The following A1CF variants were observed in gnomAD, a reference collection of about 807,000 sequenced individuals.
The protein encoded by A1CF is APOBEC1 complementation factor, also known as APOBEC-1 stimulating protein.
Under a neutral mutation model 68.9 loss-of-function variants are expected in A1CF, and 48 were observed. The ratio of observed to expected loss-of-function variants is 0.70; its 90% CI spans 0.55 to 0.89. A1CF has a LOEUF of 0.89. A1CF is among the 40% of genes least tolerant of loss of function. A1CF has a pLI of 0.00. For synonymous variants in A1CF, 272 were observed against 260.4 expected, an observed-to-expected ratio of 1.04 and a Z score of -0.43; for missense variants, 653 against 718.9, an observed-to-expected ratio of 0.91 and a Z score of 1.05.
intron 7 of A1CF, among the ~76,000 whole-genome samples, chr10:50,826,445 C>T (rs549441181): frequency 9.0e-4 from 137 of 152,126 alleles, no homozygotes; most frequent in Non-Finnish European, 1.7e-3. Context: ...GGCAGAAACT[C>T]GACAAGCCAG....
At chr10:50,864,107 A>G (rs1457742323) in intron 1 of A1CF, 27 bp from the exon 2 acceptor site, 1 of 152,212 alleles carries the variant, frequency 6.6e-6, no homozygotes, top group African/African-American at 2.4e-5. Context: ...GAGAGCAGAA[A>G]GGGTCAAAAA....
chr10:50,867,625 C>T (rs1159314212), intron 1 of A1CF, among the ~76,000 whole-genome samples: 1 of 152,144 alleles, frequency 6.6e-6, no homozygotes, highest in East Asian at 1.9e-4. Flanking sequence ...AAAGTCTTGA[C>T]CACTCTGCAA....
intron 5 of A1CF, among the ~76,000 whole-genome samples, chr10:50,838,193 G>C (rs1327119053): frequency 6.6e-6 from 1 of 152,270 alleles, no homozygotes; most frequent in Non-Finnish European, 1.5e-5. Flanking sequence ...AATGGCTCTT[G>C]GTTGTGTGGC....
At chr10:50,857,357 T>G (rs1330363287) in intron 3 of A1CF, among the ~76,000 whole-genome samples, 1 of 152,132 alleles carries the variant, frequency 6.6e-6, no homozygotes, top group Non-Finnish European at 1.5e-5. Flanking sequence ...TAATAAATTA[T>G]CATTAACTCT....
intron 12 of A1CF, among the ~76,000 whole-genome samples, chr10:50,808,749 C>A (rs1837951256): frequency 6.6e-6 from 1 of 152,038 alleles, no homozygotes; most frequent in Non-Finnish European, 1.5e-5. Flanking sequence ...GCCCCACTGG[C>A]CAGAATGGAG....
intron 12 of A1CF, among the ~76,000 whole-genome samples, chr10:50,808,606 AC>A (rs1402371774): frequency 6.6e-6 from 1 of 152,152 alleles, no homozygotes; most frequent in Non-Finnish European, 1.5e-5. Flanking sequence ...CCCAGGAAGG[AC>A]CTTGCCCTCT....
chr10:50,883,334 C>T (rs1392658298), intron 1 of A1CF, among the ~76,000 whole-genome samples: 2 of 152,016 alleles, frequency 1.3e-5, no homozygotes, highest in African/African-American at 4.8e-5. Flanking sequence ...CAGATCTTAC[C>T]CCCATTTCAC....
chr10:50,820,580 A>G lies in A1CF; in HGVS notation c.839T>C (p.Val280Ala), dbSNP rs1202773646. The change falls in exon 8 of 13, where the codon GTT becomes GCT. Residue 280 changes from valine (V) to alanine (A), a missense_variant. Physicochemically the swap from Val to Ala is moderately conservative, Grantham distance 64. Coordinates refer to ENST00000373997, the MANE Select transcript of A1CF (RefSeq NM_014576.4). ...GCCATTTAAAGCTTTCATAGCCTCA[A>G]CTGCATCTTCTCGGTTACTGAAGTG... The part of the protein sequence containing the change: ...FVHFSNREDA[V>A]EAMKALNGKV... 1.2e-6 allele frequency: 2 copies of G among 1,613,242 alleles called. No individual in the cohort carries two copies. Among genetic ancestry groups the G allele is most frequent in the African/African-American group, 1.3e-5 (1 of 74,824 alleles).
At chr10:50,811,525 A>G (rs1838111071) in intron 10 of A1CF, among the ~76,000 whole-genome samples, 1 of 152,190 alleles carries the variant, frequency 6.6e-6, no homozygotes. Context: ...ATTTGTATAG[A>G]TTTACTCATT....
chr10:50,831,466 C>T (rs1243661305), intron 6 of A1CF, among the ~76,000 whole-genome samples: 2 of 152,128 alleles, frequency 1.3e-5, no homozygotes, highest in Middle Eastern at 3.2e-3. Flanking sequence ...TGGTGGCTCA[C>T]ACCTGTAATC....
At chr10:50,831,097 A>T (rs1215416054) in intron 6 of A1CF, among the ~76,000 whole-genome samples, 2 of 152,202 alleles carry the variant, frequency 1.3e-5, no homozygotes, top group Non-Finnish European at 1.5e-5. Context: ...TACAATATAC[A>T]CATAAGCCAA....
At chr10:50,836,809 G>A (rs1027952748) in intron 5 of A1CF, among the ~76,000 whole-genome samples, 4 of 151,282 alleles carry the variant, frequency 2.6e-5, no homozygotes, top group East Asian at 2.0e-4. Context: ...TTGTCCTTGC[G>A]ATAGTTTGCT....
intron 3 of A1CF, among the ~76,000 whole-genome samples, chr10:50,853,390 T>C (rs539549056): frequency 6.6e-6 from 1 of 152,282 alleles, no homozygotes; most frequent in African/African-American, 2.4e-5. Context: ...CAATGTAATT[T>C]TTCCTAAAGA....
At chr10:50,873,787 A>G (rs1234719117) in intron 1 of A1CF, among the ~76,000 whole-genome samples, 1 of 152,164 alleles carries the variant, frequency 6.6e-6, no homozygotes, top group Non-Finnish European at 1.5e-5. Flanking sequence ...TCCTAAGTAG[A>G]GTAAATTAAA....
At position 50,846,384 on chromosome 10, in the gene A1CF, A is replaced by C. The variant is rs140128787; in HGVS notation, c.100-2262T>G. Among the ~76,000 whole-genome samples the C allele has an allele frequency of 6.0e-3, 919 of 152,292 alleles. 7 individuals carry two copies. The highest frequency in any genetic ancestry group is 0.021 in the African/African-American group (858 of 41,580). ...TAAGCATTTTGGATAAAAGATACTCAACCTGAATTGCCAAATTACCATCCT... is the reference window on the plus strand; with the variant it reads ...TAAGCATTTTGGATAAAAGATACTCCACCTGAATTGCCAAATTACCATCCT... On this transcript the variant is annotated intron_variant, in intron 3 of 12. Transcript: ENST00000373997.
At position 50,805,674 on chromosome 10, in the gene A1CF, A is replaced by G. The variant is rs1307631875; in HGVS notation, c.*1055T>C. The G allele has an allele frequency of 6.6e-6, 1 of 152,218 alleles. No homozygotes were observed. Among genetic ancestry groups the G allele is most frequent in the Non-Finnish European group, 1.5e-5 (1 of 68,034 alleles). The allele number at this position is 152,218 out of a possible 1,614,324, so 9.4% of individuals were successfully genotyped here. On this transcript the variant is annotated 3_prime_UTR_variant, in exon 13 of 13. Transcript: ENST00000373997. ...TTAGAGGATTTCCTGGCAGATTTAA[A>G]ATAAATGGGTTAGATAATGCAAAGC...
chr10:50,860,480 C>A (rs1458336834), intron 2 of A1CF, among the ~76,000 whole-genome samples: 2 of 152,116 alleles, frequency 1.3e-5, no homozygotes, highest in African/African-American at 4.8e-5. Context: ...ATGCCAGTAT[C>A]ACATACACAG....
At position 50,866,908 on chromosome 10, in the gene A1CF, G is replaced by A. The variant is rs115279434; in HGVS notation, c.-93-2828C>T. On this transcript the variant is annotated intron_variant, in intron 1 of 12. Coordinates refer to ENST00000373997, the MANE Select transcript of A1CF (RefSeq NM_014576.4). ...GTTTTTAAAAGAAAATAGAGATGGG[G>A]CTAGCTATGTTGCCCAGGTTGGTCT... is the stretch of plus-strand genomic sequence containing the variant. Among the ~76,000 whole-genome samples the A allele has an allele frequency of 5.1e-3, 772 of 152,144 alleles. 5 individuals are homozygous for A. The highest frequency in any genetic ancestry group is 0.016 in the African/African-American group (682 of 41,512).
chr10:50,820,683 A>T, intron 7 of A1CF, 34 bp from the exon 8 acceptor site: 1 of 1,562,864 alleles, frequency 6.4e-7, no homozygotes, highest in Non-Finnish European at 8.7e-7. Flanking sequence ...CCCATTAACA[A>T]AATTAAGAGA....
Sources: allele counts gnomAD v4.1 joint callset (sites outside exome capture counted in the v4.1 genomes callset), GRCh38; gene constraint gnomAD v4.1.1; transcripts MANE v1.5; gene names NCBI Gene and HGNC (gene_info 2026-07-23, HGNC 2026-07-21).